FYCO1: variants seen among roughly 807,000 people sequenced by gnomAD.
FYCO1 encodes FYVE and coiled-coil domain-containing protein 1.
A neutral mutation model predicts 165.1 loss-of-function variants in FYCO1; 122 were observed. The observed-to-expected ratio is 0.74, with a 90% CI of 0.64 to 0.86. The LOEUF (loss-of-function observed/expected upper bound fraction) is 0.86. Among genes scored for constraint, FYCO1 ranks in the 40% least tolerant of loss-of-function variants. The probability of loss-of-function intolerance (pLI) is 0.00; values close to 1 mark genes in which losing one functional copy is unlikely to be tolerated. For synonymous variants in FYCO1, 648 were observed against 742.5 expected (o/e 0.87, Z 2.07); for missense variants, 1,702 against 1,810.3 (o/e 0.94, Z 1.09).
rs117353747 is a variant in FYCO1 at position 45,949,956 on chromosome 3, C to T, written c.3944+5293G>A. ...CTTCCCCTGGATAGGGGAATAAACG[C>T]GGGCACAGCACATGCAGATTACAAA... On this transcript the variant is annotated intron_variant, in intron 14 of 17. Transcript: ENST00000296137. 4.7e-3 allele frequency among the ~76,000 whole-genome samples: 722 copies of T among 152,280 alleles called. 15 individuals carry two copies. Among genetic ancestry groups the T allele is most frequent in the East Asian group, 0.026 (135 of 5,164 alleles).
rs1361138319 is a variant in FYCO1, at chr3:45,962,180, C to T, written c.3437+45G>A. ...AGCTGCATTTCTTTAGAGAAAAACCCCAGTGTGGGGAAAACCCCAGCTGCT... is the reference window on the plus strand; with the variant it reads ...AGCTGCATTTCTTTAGAGAAAAACCTCAGTGTGGGGAAAACCCCAGCTGCT... On this transcript the variant is annotated intron_variant, in intron 11 of 17. Coordinates refer to ENST00000296137, the MANE Select transcript of FYCO1 (RefSeq NM_024513.4). The surrounding 1 kb of genome is among the most constrained non-coding windows in gnomAD (Gnocchi z 4.4). The T allele has an allele frequency of 6.2e-7, 1 of 1,603,576 alleles. No homozygotes were observed. The highest frequency in any genetic ancestry group is 8.5e-7 in the Non-Finnish European group (1 of 1,170,496).
intron 6 of FYCO1, 53 bp from the exon 7 acceptor site, chr3:45,969,818 A>G (rs1706318314): frequency 1.3e-5 from 19 of 1,478,306 alleles, no homozygotes; most frequent in South Asian, 6.9e-5. Context: ...AACCTAACAC[A>G]TGGAGGCCTT....
chr3:45,980,524 T>C (rs1706992136), intron 3 of FYCO1, among the ~76,000 whole-genome samples: 1 of 152,126 alleles, frequency 6.6e-6, no homozygotes, highest in Admixed American at 6.6e-5. Flanking sequence ...CAGCTCTGAG[T>C]CATTTCAAAC....
chr3:45,922,349 G>A (rs139191364), intron 17 of FYCO1, among the ~76,000 whole-genome samples: 5 of 152,356 alleles, frequency 3.3e-5, no homozygotes, highest in East Asian at 3.9e-4. Flanking sequence ...GAGCCTGCTC[G>A]GGCTTGGGAC....
Position 45,967,131 on chromosome 3 carries a change from T to C in FYCO1, c.2203A>G (p.Ser735Gly). 1 of 1,613,850 alleles carries C rather than the reference T, an allele frequency of 6.2e-7. No homozygotes were observed. ...AGCTGGGTCTGCTGCTGGCACTGGC[T>C]CTCGAGAGCCCTAAGCTCTCTGTGC... ...ARHRELRALE[S>G]QCQQQTQLIE... Residue 735 changes from serine (S) to glycine (G), a missense_variant, in exon 8 of 18, where the codon AGC becomes GGC. Transcript: ENST00000296137.
Position 45,964,664 on chromosome 3 carries a change from C to T in FYCO1, c.3151-210G>A. ...TGTGGTGGTTGGCAAGTGGCAGGTA[C>T]CAGAATTCCCAGGGTAACACTGAAG... On this transcript the variant is annotated intron_variant, in intron 9 of 17. Coordinates refer to ENST00000296137, the MANE Select transcript of FYCO1 (RefSeq NM_024513.4). The surrounding 1 kb of genome is among the most constrained non-coding windows in gnomAD (Gnocchi z 4.1). The T allele has an allele frequency of 2.0e-6, 1 of 499,586 alleles. No homozygotes were observed. Among genetic ancestry groups the T allele is most frequent in the Non-Finnish European group, 2.6e-6 (1 of 386,368 alleles). 30.9% of individuals were successfully genotyped at this position (499,586 alleles called of 1,614,324 possible).
chr3:45,970,317 C>T (rs576710916), intron 6 of FYCO1, among the ~76,000 whole-genome samples: 27 of 152,290 alleles, frequency 1.8e-4, no homozygotes, highest in Middle Eastern at 3.4e-3. Context: ...ACACTGGAAA[C>T]GAAACACATT....
chr3:45,958,767 CATAAG>C (rs1705514120), intron 12 of FYCO1, 148 bp from the exon 13 acceptor site: 1 of 752,954 alleles, frequency 1.3e-6, no homozygotes, highest in African/African-American at 1.7e-5. Flanking sequence ...GAGCTCATTT[CATAAG>C]ATTCCAACAA....
rs945829734 is a variant in FYCO1, at chr3:45,980,032, T to C, written c.163-202A>G. On this transcript the variant is annotated intron_variant, in intron 3 of 17. Coordinates refer to ENST00000296137, the MANE Select transcript of FYCO1 (RefSeq NM_024513.4). ...GGGTGGAAAACCACCGAAGGTGTTATTAACGGATGAGAAAGAAATACAAGA... is the reference window on the plus strand; with the variant it reads ...GGGTGGAAAACCACCGAAGGTGTTACTAACGGATGAGAAAGAAATACAAGA... Among the ~76,000 whole-genome samples the C allele has an allele frequency of 1.1e-4, 17 of 152,344 alleles. No homozygotes were observed. In the South Asian group the frequency reaches 2.7e-3, roughly 24 times the overall value.
intron 6 of FYCO1, among the ~76,000 whole-genome samples, chr3:45,971,488 G>A (rs764893021): frequency 2.0e-5 from 3 of 152,114 alleles, no homozygotes; most frequent in Admixed American, 6.6e-5. Context: ...GGCAAGCACC[G>A]CCTTACCCAA....
At chr3:45,960,247 G>A (rs932460768) in intron 11 of FYCO1, among the ~76,000 whole-genome samples, 7 of 152,160 alleles carry the variant, frequency 4.6e-5, no homozygotes, top group African/African-American at 7.2e-5. Context: ...GTTCTTTCTC[G>A]TATGGAGCCC....
At chr3:45,936,312 GA>G in intron 15 of FYCO1, 135 bp downstream of exon 15, 17 of 682,450 alleles carry the variant, frequency 2.5e-5, no homozygotes, top group Non-Finnish European at 3.5e-5. Context: ...AGCTATGCCT[GA>G]AAAAAAAGAA....
At position 45,968,274 on chromosome 3, in the gene FYCO1, T is replaced by C. The variant is rs367871759; in HGVS notation, c.1060A>G (p.Thr354Ala). ...TTTTTCTTGTCCAGTGAGTCCCGTG[T>C]GGCCTCAAGCTCCTGTGCCAAGGGC... ...LQPLAQELEA[T>A]RDSLDKKNQH... The change falls in exon 8 of 18, where the codon ACA becomes GCA. Residue 354 changes from threonine to alanine, a missense_variant. Physicochemically the swap from Thr to Ala is moderately conservative, Grantham distance 58. Coordinates refer to ENST00000296137, the MANE Select transcript of FYCO1 (RefSeq NM_024513.4). 52 of 1,613,896 alleles carry C rather than the reference T, an allele frequency of 3.2e-5. No individual in the cohort carries two copies. Among genetic ancestry groups the C allele is most frequent in the Non-Finnish European group, 4.1e-5 (48 of 1,180,022 alleles).
chr3:45,955,656 A>C (rs2125834437), intron 13 of FYCO1, among the ~76,000 whole-genome samples: 1 of 152,368 alleles, frequency 6.6e-6, no homozygotes, highest in African/African-American at 2.4e-5. Context: ...TCAGGGGCTT[A>C]GAGAGGTTTC....
chr3:45,946,280 C>T (rs1276586156), intron 14 of FYCO1: 1 of 562,816 alleles, frequency 1.8e-6, no homozygotes, highest in African/African-American at 1.9e-5. Context: ...CTCATCCTGT[C>T]TGAGCAATTT....
At chr3:45,924,534 C>T (rs1443917107) in intron 16 of FYCO1, among the ~76,000 whole-genome samples, 2 of 152,204 alleles carry the variant, frequency 1.3e-5, no homozygotes, top group African/African-American at 4.8e-5. Flanking sequence ...GCTCTTCAAC[C>T]TACTTACCAG....
In FYCO1 at chr3:45,923,760, G is replaced by A; in HGVS notation, c.4257C>T (p.Leu1419=). Residue 1419 remains leucine, a synonymous_variant, in exon 17 of 18, where the codon CTC becomes CTT. Coordinates refer to ENST00000296137, the MANE Select transcript of FYCO1 (RefSeq NM_024513.4). ...GGGAGTTGCATCGGGTCGTGGGAAT[G>A]AGGACCTGGGAGGGAAAGCAGGTAG... is the stretch of plus-strand genomic sequence containing the variant. ...EDTPLDQCKV[L]IPTTRCNSHK... 1 of 1,611,532 alleles carries A rather than the reference G, an allele frequency of 6.2e-7. No homozygotes were observed. Among genetic ancestry groups the A allele is most frequent in the Non-Finnish European group, 8.5e-7 (1 of 1,177,618 alleles).
At chr3:45,925,665 C>T (rs1703289756) in intron 16 of FYCO1, among the ~76,000 whole-genome samples, 1 of 152,172 alleles carries the variant, frequency 6.6e-6, no homozygotes, top group African/African-American at 2.4e-5. Context: ...AAGGACTCTG[C>T]CCTCAGGACT....
At chr3:45,947,491 C>T (rs1704699528) in intron 14 of FYCO1, 3 of 1,613,438 alleles carry the variant, frequency 1.9e-6, no homozygotes, top group Non-Finnish European at 2.5e-6. Flanking sequence ...GTGGAGGCCA[C>T]CAGCATGTTC....
Sources: gnomAD v4.1 joint callset for allele counts (sites outside exome capture counted in the v4.1 genomes callset) on GRCh38, gnomAD v4.1.1 for gene constraint, Gnocchi (gnomAD v3.1) non-coding constraint, MANE v1.5 for transcripts, NCBI Gene and HGNC (gene_info 2026-07-23, HGNC 2026-07-21) for gene names.